The following PPP2R1B variants were observed in gnomAD, a reference collection of about 807,000 sequenced individuals.
PPP2R1B encodes protein phosphatase 2 scaffold subunit Abeta.
A neutral mutation model predicts 72.7 loss-of-function variants in PPP2R1B; 58 were observed. The observed-to-expected ratio is 0.80, with a 90% CI of 0.65 to 0.99. The LOEUF (loss-of-function observed/expected upper bound fraction) is 0.99, where lower values mean the gene tolerates loss of function less well. Ranked by LOEUF, PPP2R1B falls within the 50% of genes least tolerant of loss-of-function variation. The pLI, the probability that PPP2R1B is intolerant of heterozygous loss-of-function variation, is 0.00. For synonymous variants in PPP2R1B, 256 were observed against 264.6 expected, an observed-to-expected ratio of 0.97 and a Z score of 0.32; for missense variants, 695 against 733.6, an observed-to-expected ratio of 0.95 and a Z score of 0.61.
At chr11:111,760,116 A>G (rs181895641) in intron 4 of PPP2R1B, among the ~76,000 whole-genome samples, 165 bp from the exon 5 acceptor site, 85 of 152,348 alleles carry the variant, frequency 5.6e-4, no homozygotes, top group African/African-American at 1.9e-3. Flanking sequence ...GGATAATAAA[A>G]AATGACATCA....
chr11:111,744,965 T>C (rs745714849), intron 11 of PPP2R1B, among the ~76,000 whole-genome samples: 1 of 152,010 alleles, frequency 6.6e-6, no homozygotes, highest in African/African-American at 2.4e-5. Flanking sequence ...TTCATATCCA[T>C]AGTCTTTGTC....
At chr11:111,758,509 G>A (rs1170751398) in intron 5 of PPP2R1B, among the ~76,000 whole-genome samples, 3 of 152,114 alleles carry the variant, frequency 2.0e-5, no homozygotes, top group African/African-American at 7.2e-5. Context: ...AGAATTGCTT[G>A]AACCCGGGAG....
intron 11 of PPP2R1B, among the ~76,000 whole-genome samples, chr11:111,744,484 G>A (rs1003134799): frequency 2.0e-5 from 3 of 152,188 alleles, no homozygotes; most frequent in Admixed American, 6.5e-5. Flanking sequence ...CATAAAGCTA[G>A]ATAATAAAGG....
chr11:111,754,921 A>C, intron 7 of PPP2R1B, 59 bp downstream of exon 7: 2 of 1,450,290 alleles, frequency 1.4e-6, no homozygotes, highest in South Asian at 1.2e-5. Flanking sequence ...AAAATTGACT[A>C]ACAAAAAAAT....
At chr11:111,711,837 A>C in the PPP2R1B span, among the ~76,000 whole-genome samples, 1 of 152,224 alleles carries the variant, frequency 6.6e-6, no homozygotes, top group Non-Finnish European at 1.5e-5. Flanking sequence ...TGAGCTCCTA[A>C]GATTTTTCTA....
the PPP2R1B span, chr11:111,720,439 T>A: frequency 1.3e-6 from 2 of 1,549,700 alleles, no homozygotes; most frequent in Middle Eastern, 1.7e-4. Context: ...AAGGAGATGC[T>A]ATTGCTGTTG....
the PPP2R1B span, chr11:111,719,833 C>A: frequency 2.5e-6 from 4 of 1,614,116 alleles, no homozygotes; most frequent in South Asian, 1.1e-5. Context: ...GGATGCCAGT[C>A]ACTGCCCAGC....
chr11:111,741,735 TG>T (rs1944527598), intron 14 of PPP2R1B, 123 bp from the exon 15 acceptor site: 7 of 1,123,418 alleles, frequency 6.2e-6, no homozygotes, highest in Admixed American at 2.2e-5. Flanking sequence ...CTGTGGTTAC[TG>T]TCTTTACTCA....
intron 6 of PPP2R1B, 53 bp from the exon 7 acceptor site, chr11:111,755,147 G>A: frequency 6.5e-7 from 1 of 1,547,218 alleles, no homozygotes; most frequent in Non-Finnish European, 8.8e-7. Flanking sequence ...GAATTAACAA[G>A]AACAAAACAA....
At chr11:111,711,193 A>G in the PPP2R1B span, among the ~76,000 whole-genome samples, 1 of 149,910 alleles carries the variant, frequency 6.7e-6, no homozygotes, top group Non-Finnish European at 1.5e-5. Context: ...ATCTTGGCTC[A>G]CTGCAAGCTC....
chr11:111,723,965 C>T (rs199582345), downstream of PPP2R1B: 1 of 1,614,164 alleles, frequency 6.2e-7, no homozygotes, highest in Non-Finnish European at 8.5e-7. Flanking sequence ...GGATGGAGCC[C>T]AGCAGAGCGA....
At chr11:111,755,983 C>G (rs1591702787) in intron 5 of PPP2R1B, among the ~76,000 whole-genome samples, 1 of 151,682 alleles carries the variant, frequency 6.6e-6, no homozygotes, top group Non-Finnish European at 1.5e-5. Flanking sequence ...CTGAGGCAGG[C>G]GGATCACGAG....
In PPP2R1B at chr11:111,745,532, G is replaced by A. The variant is rs573080319; in HGVS notation, c.1400-2002C>T. ...TACTATGTTCTTGGTTCCTCTGACT[G>A]TTTTCAGAAGAATGCAAACCATTCC... is the stretch of plus-strand genomic sequence containing the variant. On this transcript the variant is annotated intron_variant, in intron 11 of 14. Coordinates refer to ENST00000527614, the MANE Select transcript of PPP2R1B (RefSeq NM_002716.5). Among the ~76,000 whole-genome samples, 7 of 152,214 alleles carry A rather than the reference G, an allele frequency of 4.6e-5. No homozygotes were observed. In the East Asian group the frequency reaches 1.4e-3, roughly 29 times the overall value.
At chr11:111,743,200 G>A (rs1041741704) in intron 12 of PPP2R1B, among the ~76,000 whole-genome samples, 176 bp downstream of exon 12, 1 of 152,150 alleles carries the variant, frequency 6.6e-6, no homozygotes, top group African/African-American at 2.4e-5. Flanking sequence ...AGCCAATACT[G>A]TAGATTTTAA....
chr11:111,722,300 A>G (rs1943825858), downstream of PPP2R1B, among the ~76,000 whole-genome samples: 1 of 152,238 alleles, frequency 6.6e-6, no homozygotes, highest in African/African-American at 2.4e-5. The surrounding 1 kb of genome is among the most constrained non-coding windows in gnomAD (Gnocchi z 4.4). Context: ...TGGTGCATAA[A>G]AATCTTAAAA....
At chr11:111,764,147 T>A (rs1051905667) in intron 3 of PPP2R1B, among the ~76,000 whole-genome samples, 1 of 152,160 alleles carries the variant, frequency 6.6e-6, no homozygotes, top group Admixed American at 6.5e-5. Flanking sequence ...TCTTTCCATT[T>A]ACGACTGCAC....
At chr11:111,737,703 T>C, downstream of PPP2R1B, 1 of 1,467,284 alleles carries the variant, frequency 6.8e-7, no homozygotes, top group Non-Finnish European at 9.2e-7. Context: ...CCTACAAGTA[T>C]ATGGGGCACT....
the PPP2R1B span, among the ~76,000 whole-genome samples, chr11:111,706,119 A>G: frequency 6.6e-6 from 1 of 152,212 alleles, no homozygotes; most frequent in Non-Finnish European, 1.5e-5. Context: ...TGGTTTCCCA[A>G]GTGTGTAATG....
intron 15 of PPP2R1B, chr11:111,730,234 T>G (rs1944142570): frequency 6.6e-6 from 1 of 152,180 alleles, no homozygotes; most frequent in Admixed American, 6.5e-5. Flanking sequence ...TGACCCCAGA[T>G]GGAATAATGT....
Sources: allele counts gnomAD v4.1 joint callset (sites outside exome capture counted in the v4.1 genomes callset), GRCh38; gene constraint gnomAD v4.1.1; non-coding constraint Gnocchi (gnomAD v3.1); transcripts MANE v1.5; gene names NCBI Gene and HGNC (gene_info 2026-07-23, HGNC 2026-07-21).